The following FAT3 variants were observed in gnomAD, a reference collection of about 807,000 sequenced individuals.
The protein encoded by FAT3 is protocadherin Fat 3.
FAT3 carries 95 observed loss-of-function variants against 310.2 expected under a neutral mutation model. The ratio of observed to expected loss-of-function variants is 0.31; its 90% confidence interval spans 0.26 to 0.36. The LOEUF (loss-of-function observed/expected upper bound fraction) is 0.36, where lower values mean the gene tolerates loss of function less well. Ranked by LOEUF, FAT3 falls within the 10% of genes least tolerant of loss-of-function variation. The pLI, the probability that FAT3 is intolerant of heterozygous loss-of-function variation, is 1.00. For missense variants in FAT3, 5,408 were observed against 5,715.6 expected (o/e 0.95, Z 1.74); for synonymous variants, 2,314 against 2,192.9 (o/e 1.06, Z -1.54).
At chr11:92,695,962 GTGTAT>G (rs1321564918) in intron 3 of FAT3, among the ~76,000 whole-genome samples, 4 of 152,136 alleles carry the variant, frequency 2.6e-5, no homozygotes, top group African/African-American at 9.7e-5. Context: ...GTTAATAATA[GTGTAT>G]TGTACATTTC....
intron 3 of FAT3, among the ~76,000 whole-genome samples, chr11:92,603,192 T>C (rs981888765): frequency 9.2e-5 from 14 of 152,206 alleles, no homozygotes; most frequent in Admixed American, 2.0e-4. Context: ...TTACAGAATT[T>C]CTTCAACTCT....
chr11:92,429,206 C>CT (rs946328024), intron 2 of FAT3, among the ~76,000 whole-genome samples: 78 of 150,884 alleles, frequency 5.2e-4, no homozygotes, highest in South Asian at 1.1e-3. Flanking sequence ...GCAACCCTTG[C>CT]TTTTTTTTTG....
chr11:92,883,320 C>T lies in FAT3; in HGVS notation c.12864C>T (p.Asn4288=), dbSNP rs1416084956. The change falls in exon 24 of 28, where the codon AAC becomes AAT. Residue 4288 remains asparagine, a synonymous_variant. Transcript: ENST00000525166. This position sits in a 1 kb window ranked among gnomAD's most constrained non-coding sequence, Gnocchi z 4.2. ...TGGTCGTGTGCAGTGTGGCCCCCAACCTCCCCGCCGTGTCACCCTGCCGCT... is the reference window on the plus strand; with the variant it reads ...TGGTCGTGTGCAGTGTGGCCCCCAATCTCCCCGCCGTGTCACCCTGCCGCT... ...RGVVVCSVAP[N]LPAVSPCRSD... The T allele has an allele frequency of 6.2e-7, 1 of 1,610,728 alleles. No homozygotes were observed. The highest frequency in any genetic ancestry group is 8.5e-7 in the Non-Finnish European group (1 of 1,178,702).
intron 4 of FAT3, among the ~76,000 whole-genome samples, chr11:92,744,305 T>G (rs566473311): frequency 1.3e-5 from 2 of 152,312 alleles, no homozygotes; most frequent in East Asian, 3.9e-4. Context: ...AATGTTCTCT[T>G]CCAAGAGTTA....
intron 4 of FAT3, among the ~76,000 whole-genome samples, chr11:92,722,699 T>G (rs994328516): frequency 2.6e-5 from 4 of 152,322 alleles, no homozygotes; most frequent in East Asian, 3.9e-4. Flanking sequence ...TCTCTATATC[T>G]TCTGAAATCT....
chr11:92,544,823 A>G (rs1019885694), intron 3 of FAT3, among the ~76,000 whole-genome samples: 4 of 152,188 alleles, frequency 2.6e-5, no homozygotes, highest in African/African-American at 2.4e-5. Context: ...AGCCTTTCCT[A>G]TGGTTAGGTG....
At chr11:92,637,592 A>G (rs765023699) in intron 3 of FAT3, among the ~76,000 whole-genome samples, 1 of 152,210 alleles carries the variant, frequency 6.6e-6, no homozygotes, top group Non-Finnish European at 1.5e-5. Context: ...GCAAATAGCA[A>G]TGCACCTTTC....
chr11:92,869,037 G>A (rs1426074453), intron 22 of FAT3, among the ~76,000 whole-genome samples: 1 of 152,262 alleles, frequency 6.6e-6, no homozygotes, highest in East Asian at 1.9e-4. Context: ...TTGTCTTCCT[G>A]TTCCCTTCTT....
rs181879258 is a variant in FAT3 at position 92,474,141 on chromosome 11, G to T, written c.3293-50493G>T. On this transcript the variant is annotated intron_variant, in intron 2 of 27. Transcript: ENST00000525166. The stretch of plus-strand genomic sequence containing the variant: ...GCTCCAACAGCTTCTTATAAACCCT[G>T]TGCTGAGGCTCACTCCTCTGGTGGT... 2.0e-4 allele frequency among the ~76,000 whole-genome samples: 30 copies of T among 152,282 alleles called. No individual in the cohort carries two copies. The East Asian group carries it at 5.6e-3, about 28-fold the overall frequency.
intron 10 of FAT3, among the ~76,000 whole-genome samples, chr11:92,803,997 G>T (rs1387843030): frequency 1.3e-5 from 2 of 152,170 alleles, no homozygotes; most frequent in Admixed American, 1.3e-4. Flanking sequence ...TTCCCACTCA[G>T]TCTCTTCAGT....
chr11:92,366,753 A>G (rs1316056614), intron 2 of FAT3: 13 of 533,776 alleles, frequency 2.4e-5, no homozygotes, highest in Non-Finnish European at 4.2e-5. Flanking sequence ...TCTTCATTCC[A>G]AAAGAGTAGA....
At chr11:92,461,034 G>C (rs892316548) in intron 2 of FAT3, among the ~76,000 whole-genome samples, 4 of 152,094 alleles carry the variant, frequency 2.6e-5, no homozygotes, top group Non-Finnish European at 2.9e-5. Flanking sequence ...CATGGCTAAA[G>C]GAAAAATCAC....
At chr11:92,847,516 G>C (rs1050475143) in intron 19 of FAT3, among the ~76,000 whole-genome samples, 1 of 152,196 alleles carries the variant, frequency 6.6e-6, no homozygotes, top group Non-Finnish European at 1.5e-5. Flanking sequence ...TTTCCTAGCA[G>C]AATGATCGCC....
chr11:92,794,659 A>G (rs1055898613), intron 9 of FAT3, among the ~76,000 whole-genome samples: 3 of 152,234 alleles, frequency 2.0e-5, no homozygotes, highest in Non-Finnish European at 4.4e-5. Flanking sequence ...TGACTAAAAC[A>G]AGACAGAACA....
chr11:92,238,845 T>A (rs1038707986), intron 1 of FAT3, among the ~76,000 whole-genome samples: 3 of 152,116 alleles, frequency 2.0e-5, no homozygotes, highest in Non-Finnish European at 4.4e-5. Context: ...ACAGAGTACT[T>A]CTAAACTTCC....
chr11:92,574,398 A>G (rs1275437137), intron 3 of FAT3, among the ~76,000 whole-genome samples: 1 of 152,144 alleles, frequency 6.6e-6, no homozygotes, highest in Non-Finnish European at 1.5e-5. Context: ...AAATGCCTTA[A>G]CCTGGCAGCA....
intron 3 of FAT3, among the ~76,000 whole-genome samples, chr11:92,528,375 C>G (rs1425508744): frequency 1.3e-5 from 2 of 152,200 alleles, no homozygotes. Context: ...CCGGTGTTCA[C>G]TTGCCTCTTT....
In FAT3 at chr11:92,261,989, C is replaced by CT. The variant is rs76622696; in HGVS notation, c.-18+36825dup. 9.5e-4 allele frequency among the ~76,000 whole-genome samples: 142 copies of CT among 149,122 alleles called. 1 individual carries two copies. Among genetic ancestry groups the CT allele is most frequent in the African/African-American group, 2.2e-3 (89 of 40,790 alleles). On this transcript the variant is annotated intron_variant, in intron 1 of 27. Transcript: ENST00000525166. ...TCTCCTTTATACATATTTACTCTCT[C>CT]TTTTTTTTTTAAATTCTGAGGTCTC...
At chr11:92,348,078 A>G (rs1948462908) in intron 1 of FAT3, among the ~76,000 whole-genome samples, 1 of 152,002 alleles carries the variant, frequency 6.6e-6, no homozygotes, top group South Asian at 2.1e-4. Context: ...GCATTCATTT[A>G]TTTCCTAATC....
Sources: allele counts gnomAD v4.1 joint callset (sites outside exome capture counted in the v4.1 genomes callset), GRCh38; gene constraint gnomAD v4.1.1; non-coding constraint Gnocchi (gnomAD v3.1); transcripts MANE v1.5; gene names NCBI Gene and HGNC (gene_info 2026-07-23, HGNC 2026-07-21).